The following RIPOR3 variants were observed in gnomAD, a reference collection of about 807,000 sequenced individuals.
The protein encoded by RIPOR3 is RIPOR family member 3.
In RIPOR3, 95 loss-of-function variants were observed where a neutral mutation model predicts 114.3. The ratio of observed to expected loss-of-function variants is 0.83; its 90% CI spans 0.70 to 0.99. RIPOR3 has a LOEUF of 0.99. Ranked by LOEUF, RIPOR3 falls within the 50% of genes least tolerant of loss-of-function variation. The probability of loss-of-function intolerance (pLI) is 0.00; values close to 1 mark genes in which losing one functional copy is unlikely to be tolerated. For missense variants in RIPOR3, 1,252 were observed against 1,266.9 expected (o/e 0.99, Z 0.18); for synonymous variants, 575 against 543.8 (o/e 1.06, Z -0.80).
chr20:50,611,136 A>T, intron 5 of RIPOR3, 45 bp downstream of exon 5: 5 of 1,614,044 alleles, frequency 3.1e-6, no homozygotes, highest in Non-Finnish European at 2.5e-6. Flanking sequence ...AGTCATTCTC[A>T]TCCAGCCAGG....
chr20:50,596,136 C>A lies in RIPOR3; in HGVS notation c.1914+4G>T. On this transcript the variant is annotated splice_donor_region_variant and intron_variant, in intron 15 of 21. Coordinates refer to ENST00000327979, the MANE Select transcript of RIPOR3 (RefSeq NM_001290268.2). The stretch of plus-strand genomic sequence containing the variant: ...CTCCCTGACAAGTCCCCTAGCCCAG[C>A]CACCTGCAGCAGAGCTTTGCAGACT... The A allele has an allele frequency of 6.2e-7, 1 of 1,614,142 alleles. No individual in the cohort carries two copies. Among genetic ancestry groups the A allele is most frequent in the Non-Finnish European group, 8.5e-7 (1 of 1,180,018 alleles).
At chr20:50,627,985 C>T (rs937563035) in intron 2 of RIPOR3, among the ~76,000 whole-genome samples, 26 of 152,224 alleles carry the variant, frequency 1.7e-4, no homozygotes, top group African/African-American at 6.0e-4. Context: ...GAGAGGGTCA[C>T]CTGGGCCGGA....
chr20:50,588,079 C>T (rs753204761), intron 20 of RIPOR3, among the ~76,000 whole-genome samples, 187 bp from the exon 21 acceptor site: 6 of 152,204 alleles, frequency 3.9e-5, no homozygotes, highest in Admixed American at 1.3e-4. Flanking sequence ...ACTCTGGAAG[C>T]GTCTCGCCTC....
chr20:50,610,865 A>G lies in RIPOR3; in HGVS notation c.414T>C (p.Phe138=), dbSNP rs140438912. 1,788 of 1,614,190 alleles carry G rather than the reference A, an allele frequency of 1.1e-3. 14 individuals are homozygous for G. The African/African-American group carries it at 0.021, about 19-fold the overall frequency. The change falls in exon 6 of 22, where the codon TTT becomes TTC. Residue 138 remains phenylalanine (F), a synonymous_variant. Transcript: ENST00000327979. ...CGAGCCAGCTGACCTTGCTGATGTG[A>G]AACTCCATCTTCCGAATGTGCCTTT... is the stretch of plus-strand genomic sequence containing the variant. ...CVERHIRKME[F]HISKVDELYE...
chr20:50,685,778 C>T (rs1295595691), intron 1 of RIPOR3, among the ~76,000 whole-genome samples: 1 of 148,762 alleles, frequency 6.7e-6, no homozygotes, highest in Admixed American at 6.7e-5. Context: ...CAGGATCACG[C>T]CACTGCACTC....
At position 50,593,037 on chromosome 20, in the gene RIPOR3, T is replaced by C. The variant is rs1486304429; in HGVS notation, c.2372A>G (p.Glu791Gly). The C allele has an allele frequency of 6.2e-7, 1 of 1,613,878 alleles. No individual in the cohort carries two copies. The highest frequency in any genetic ancestry group is 2.2e-5 in the East Asian group (1 of 44,890). The part of the protein sequence containing the change: ...LEKHFTQLTK[E>G]VTLIEELHCA... ...ACAGCCACCCACCCCAGTCTTACCT[T>C]CCTTGGTGAGCTGGGTGAAGTGCTT... is the stretch of plus-strand genomic sequence containing the variant. Residue 791 changes from glutamate (E) to glycine (G), a missense_variant and splice_region_variant, in exon 18 of 22, where the codon GAA (glutamate) becomes GGA (glycine). Physicochemically the swap from Glu to Gly is moderately conservative, Grantham distance 98 (BLOSUM62 -2). Coordinates refer to ENST00000327979, the MANE Select transcript of RIPOR3 (RefSeq NM_001290268.2).
intron 1 of RIPOR3, among the ~76,000 whole-genome samples, chr20:50,685,391 A>G (rs954244572): frequency 6.6e-5 from 10 of 151,146 alleles, no homozygotes; most frequent in African/African-American, 2.2e-4. Flanking sequence ...TAATTTTTGT[A>G]TTTTTAGTAG....
intron 1 of RIPOR3, among the ~76,000 whole-genome samples, chr20:50,681,478 C>A (rs1171298199): frequency 6.6e-6 from 1 of 152,098 alleles, no homozygotes; most frequent in East Asian, 1.9e-4. Flanking sequence ...AAACCTTGGA[C>A]GAAGCCAGAA....
intron 1 of RIPOR3, among the ~76,000 whole-genome samples, chr20:50,649,151 T>C (rs1468776856): frequency 1.3e-5 from 2 of 152,102 alleles, no homozygotes; most frequent in Non-Finnish European, 2.9e-5. Context: ...GATATGACGG[T>C]ATTGAATTAG....
chr20:50,634,661 A>G (rs966597991), intron 1 of RIPOR3, among the ~76,000 whole-genome samples: 1 of 152,258 alleles, frequency 6.6e-6, no homozygotes, highest in Non-Finnish European at 1.5e-5. Context: ...GTGCTGGAAT[A>G]ATAACAGTAA....
intron 15 of RIPOR3, 44 bp from the exon 16 acceptor site, chr20:50,595,548 C>T (rs1378161367): frequency 6.2e-7 from 1 of 1,602,134 alleles, no homozygotes; most frequent in Admixed American, 1.7e-5. Context: ...GGAACATGCC[C>T]ACCGAGGTCA....
intron 2 of RIPOR3, among the ~76,000 whole-genome samples, chr20:50,625,020 A>C (rs1280263831): frequency 6.6e-6 from 1 of 151,232 alleles, no homozygotes; most frequent in Admixed American, 6.6e-5. Context: ...TGATGATGAC[A>C]GGCATGCACT....
rs184406874 is a variant in RIPOR3, at chr20:50,601,627, C to T, written c.1659+445G>A. ...CTGAAAGCCACCTGCCACCTAAGCC[C>T]TCCTGTGAACTGAGAACAGCCCCGG... On this transcript the variant is annotated intron_variant, in intron 13 of 21. Transcript: ENST00000327979. 1.1e-4 allele frequency among the ~76,000 whole-genome samples: 16 copies of T among 152,228 alleles called. No individual in the cohort carries two copies. In the East Asian group the frequency reaches 2.7e-3, roughly 26 times the overall value.
chr20:50,587,399 A>G (rs1037626018), intron 21 of RIPOR3, 67 bp from the exon 22 acceptor site: 2 of 1,394,738 alleles, frequency 1.4e-6, no homozygotes, highest in African/African-American at 1.4e-5. Flanking sequence ...CTCCTGGGCC[A>G]GGGTGGCCCT....
chr20:50,673,673 G>A (rs140161917), intron 1 of RIPOR3, among the ~76,000 whole-genome samples: 3,700 of 152,186 alleles, frequency 0.024, 63 homozygotes, highest in Admixed American at 0.036. Context: ...AAATGTAAAC[G>A]GCCATTCATC....
intron 2 of RIPOR3, among the ~76,000 whole-genome samples, chr20:50,623,415 G>C (rs907708468): frequency 2.0e-5 from 3 of 152,124 alleles, no homozygotes; most frequent in African/African-American, 7.2e-5. Flanking sequence ...GCACCCCTGG[G>C]TGTTCCCAGC....
chr20:50,595,991 T>C (rs1025547918), intron 15 of RIPOR3, 149 bp downstream of exon 15: 1 of 1,164,338 alleles, frequency 8.6e-7, no homozygotes, highest in Non-Finnish European at 1.2e-6. Context: ...CTGCCTCTCT[T>C]CCACTGGGGA....
At chr20:50,684,343 A>G (rs1459997177) in intron 1 of RIPOR3, among the ~76,000 whole-genome samples, 1 of 152,222 alleles carries the variant, frequency 6.6e-6, no homozygotes, top group Non-Finnish European at 1.5e-5. Flanking sequence ...CTGAAGAATG[A>G]GCACCCAGGC....
In RIPOR3 at chr20:50,586,910, C is replaced by G. The variant is rs2082939322; in HGVS notation, c.*322G>C. ...AGGGCCTCAACTTGCCTGGCCTTGG[C>G]CCTTTTGTAGGTGGCCACCTAGTTT... On this transcript the variant is annotated 3_prime_UTR_variant, in exon 22 of 22. Coordinates refer to ENST00000327979, the MANE Select transcript of RIPOR3 (RefSeq NM_001290268.2). The G allele has an allele frequency of 3.7e-6, 1 of 273,508 alleles. No homozygotes were observed. Among genetic ancestry groups the G allele is most frequent in the African/African-American group, 2.2e-5 (1 of 46,302 alleles). The allele number at this position is 273,508 out of a possible 1,614,324, so 16.9% of individuals were successfully genotyped here. A position where few individuals can be genotyped will look rare whatever the true frequency, so the allele number is the denominator to read the frequency against.
Sources: allele counts gnomAD v4.1 joint callset (sites outside exome capture counted in the v4.1 genomes callset), GRCh38; gene constraint gnomAD v4.1.1; transcripts MANE v1.5; gene names NCBI Gene and HGNC (gene_info 2026-07-23, HGNC 2026-07-21).